The following CADPS2 variants were observed in gnomAD, a reference collection of about 807,000 sequenced individuals.
The protein encoded by CADPS2 is calcium dependent secretion activator 2.
Under a neutral mutation model 172.5 loss-of-function variants are expected in CADPS2, and 93 were observed. The observed-to-expected ratio is 0.54, with a 90% CI of 0.46 to 0.64. The LOEUF (loss-of-function observed/expected upper bound fraction) is 0.64, where lower values mean the gene tolerates loss of function less well. Among genes scored for constraint, CADPS2 ranks in the 30% least tolerant of loss-of-function variants. The probability of loss-of-function intolerance (pLI) is 0.00; values close to 1 mark genes in which losing one functional copy is unlikely to be tolerated. For missense variants in CADPS2, 1,420 were observed against 1,565.9 expected, an observed-to-expected ratio of 0.91 and a Z score of 1.57; for synonymous variants, 546 against 555.2, an observed-to-expected ratio of 0.98 and a Z score of 0.23.
rs748522585 is a variant in CADPS2, at chr7:122,393,357, G to C, written c.2889-42C>G. On this transcript the variant is annotated intron_variant, in intron 21 of 29. Transcript: ENST00000449022. ...AACGTGGGAAGGGACCACCATAAGCGATAACTACAGATGGCCATGTGTGAA... is the reference window on the plus strand; with the variant it reads ...AACGTGGGAAGGGACCACCATAAGCCATAACTACAGATGGCCATGTGTGAA... 6 of 1,613,614 alleles carry C rather than the reference G, an allele frequency of 3.7e-6. No individual in the cohort carries two copies. The Admixed American group carries it at 6.7e-5, about 18-fold the overall frequency.
At chr7:122,589,709 G>A (rs1242948121) in intron 6 of CADPS2, among the ~76,000 whole-genome samples, 2 of 151,846 alleles carry the variant, frequency 1.3e-5, no homozygotes, top group African/African-American at 4.8e-5. Flanking sequence ...ATAGGCTGTT[G>A]CAAATCCAGA....
chr7:122,655,009 C>T (rs1001772868), intron 3 of CADPS2, among the ~76,000 whole-genome samples: 22 of 152,142 alleles, frequency 1.4e-4, no homozygotes, highest in African/African-American at 4.8e-4. Flanking sequence ...TGGAGATGTT[C>T]TAGAAATAGC....
chr7:122,527,617 AGTGTGTGTGT>A (rs59653845), intron 8 of CADPS2, among the ~76,000 whole-genome samples: 83 of 83,864 alleles, frequency 9.9e-4, no homozygotes, highest in African/African-American at 2.3e-3. Flanking sequence ...AGAGAGAGAG[AGTGTGTGTGT>A]GTGTGTGTGT....
At chr7:122,414,178 G>T in intron 18 of CADPS2, 102 bp from the exon 19 acceptor site, 1 of 724,486 alleles carries the variant, frequency 1.4e-6, no homozygotes, top group Non-Finnish European at 2.1e-6. Context: ...CTATATTTCA[G>T]TATATCGTAT....
intron 2 of CADPS2, among the ~76,000 whole-genome samples, chr7:122,686,281 G>A (rs1393410957): frequency 1.3e-5 from 2 of 152,160 alleles, no homozygotes; most frequent in African/African-American, 2.4e-5. Flanking sequence ...GGAGAGGAAA[G>A]GATTTCTTTG....
At chr7:122,708,374 G>A (rs1016388853) in intron 2 of CADPS2, among the ~76,000 whole-genome samples, 36 of 150,622 alleles carry the variant, frequency 2.4e-4, no homozygotes, top group African/African-American at 8.5e-4. Context: ...TTCAGTAAGA[G>A]TATAGGATAG....
At chr7:122,811,153 T>C (rs17144926) in intron 1 of CADPS2, among the ~76,000 whole-genome samples, 30,263 of 152,152 alleles carry the variant, frequency 0.2, 3,136 homozygotes, top group Middle Eastern at 0.3. Context: ...TCTGAACATA[T>C]GCTGTCCACA....
intron 8 of CADPS2, among the ~76,000 whole-genome samples, chr7:122,521,564 G>C (rs2060799694): frequency 6.6e-6 from 1 of 151,988 alleles, no homozygotes; most frequent in Non-Finnish European, 1.5e-5. Flanking sequence ...AAGAAACTTA[G>C]AAGTAAATAC....
chr7:122,579,003 C>T (rs1353982523), intron 7 of CADPS2, among the ~76,000 whole-genome samples: 1 of 151,988 alleles, frequency 6.6e-6, no homozygotes, highest in Non-Finnish European at 1.5e-5. Context: ...TATGGGGATA[C>T]AAGTCATAAG....
chr7:122,658,013 A>C (rs1430688194), intron 3 of CADPS2, among the ~76,000 whole-genome samples: 2 of 152,208 alleles, frequency 1.3e-5, no homozygotes, highest in Non-Finnish European at 2.9e-5. Context: ...TAATATCCAG[A>C]ATCTACAAAG....
At chr7:122,711,715 T>C (rs1161062538) in intron 2 of CADPS2, among the ~76,000 whole-genome samples, 1 of 152,116 alleles carries the variant, frequency 6.6e-6, no homozygotes, top group African/African-American at 2.4e-5. Flanking sequence ...TACAGTAGCG[T>C]GATCTTGGCT....
At chr7:122,706,657 AAG>A (rs2087570112) in intron 2 of CADPS2, among the ~76,000 whole-genome samples, 1 of 147,436 alleles carries the variant, frequency 6.8e-6, no homozygotes, top group Non-Finnish European at 1.5e-5. Flanking sequence ...TGCTCTTAAC[AAG>A]AGATAGGTAG....
Position 122,319,607 on chromosome 7 carries a change from T to C in CADPS2, c.*558A>G, listed in dbSNP as rs1282322356. 6.6e-6 allele frequency: 1 copy of C among 152,216 alleles called. No homozygotes were observed. The highest frequency in any genetic ancestry group is 1.9e-4 in the East Asian group (1 of 5,196). 9.4% of individuals were successfully genotyped at this position (152,216 alleles called of 1,614,324 possible). A position where few individuals can be genotyped will look rare whatever the true frequency, so the allele number is the denominator to read the frequency against. On this transcript the variant is annotated 3_prime_UTR_variant, in exon 30 of 30. Coordinates refer to ENST00000449022, the MANE Select transcript of CADPS2 (RefSeq NM_017954.11). ...TCCTTTCATCCCAGGAATATACCTGTAGACCAATTCAAAGTACTAAGAACC... is the reference window on the plus strand; with the variant it reads ...TCCTTTCATCCCAGGAATATACCTGCAGACCAATTCAAAGTACTAAGAACC...
At chr7:122,697,768 C>T in intron 2 of CADPS2, 2 of 1,542,440 alleles carry the variant, frequency 1.3e-6, no homozygotes, top group Admixed American at 2.1e-5. Context: ...GTTTAATACA[C>T]TTCCTCAAAA....
At chr7:122,352,554 G>A (rs2038828136) in intron 27 of CADPS2, among the ~76,000 whole-genome samples, 1 of 152,174 alleles carries the variant, frequency 6.6e-6, no homozygotes, top group Admixed American at 6.5e-5. Context: ...CATCTGGAAA[G>A]CACAACACAC....
At chr7:122,774,552 G>A (rs1331115701) in intron 1 of CADPS2, among the ~76,000 whole-genome samples, 1 of 152,066 alleles carries the variant, frequency 6.6e-6, no homozygotes, top group Non-Finnish European at 1.5e-5. Flanking sequence ...GGTTATAAAT[G>A]TTCTACCAAT....
intron 20 of CADPS2, among the ~76,000 whole-genome samples, chr7:122,396,159 T>G (rs955973009): frequency 3.9e-5 from 6 of 152,060 alleles, no homozygotes; most frequent in African/African-American, 1.4e-4. Context: ...CATAGAGAGT[T>G]TAAGATACTT....
rs57790964 is a variant in CADPS2 at position 122,367,710 on chromosome 7, A to AT, written c.3388-6698dup. Among the ~76,000 whole-genome samples, 68 of 60,148 alleles carry AT rather than the reference A, an allele frequency of 1.1e-3. 1 individual carries two copies. The highest frequency in any genetic ancestry group is 4.1e-3 in the African/African-American group (55 of 13,382). The allele number at this position is 60,148 out of a possible 152,430, so 39.5% of individuals were successfully genotyped here. On this transcript the variant is annotated intron_variant, in intron 25 of 29. Transcript: ENST00000449022. ...AGGCATGTGCAACCATGCCCAGCTA[A>AT]TTTTTTTTTTTTTTTTTTTTTTTTT...
intron 1 of CADPS2, among the ~76,000 whole-genome samples, chr7:122,779,804 C>T (rs1466855971): frequency 6.6e-6 from 1 of 152,172 alleles, no homozygotes; most frequent in Non-Finnish European, 1.5e-5. Context: ...CTGTCCTCCC[C>T]CTCTCCCTAT....
Sources: gnomAD v4.1 joint callset for allele counts (sites outside exome capture counted in the v4.1 genomes callset) on GRCh38, gnomAD v4.1.1 for gene constraint, MANE v1.5 for transcripts, NCBI Gene and HGNC (gene_info 2026-07-23, HGNC 2026-07-21) for gene names.